Variants in NTRK2 observed in about 807,000 individuals in gnomAD.
NTRK2 encodes neurotrophic receptor tyrosine kinase 2, also known as BDNF/NT-3 growth factors receptor.
NTRK2 carries 13 observed loss-of-function variants against 94.5 expected under a neutral mutation model. The observed-to-expected ratio is 0.14, with a 90% CI of 0.09 to 0.22. The LOEUF is 0.22. Ranked by LOEUF, NTRK2 falls within the 10% of genes least tolerant of loss-of-function variation. The probability of loss-of-function intolerance (pLI) is 1.00; values close to 1 mark genes in which losing one functional copy is unlikely to be tolerated. For synonymous variants in NTRK2, 372 were observed against 407.4 expected, an observed-to-expected ratio of 0.91 and a Z score of 1.05; for missense variants, 639 against 1,071.2, an observed-to-expected ratio of 0.60 and a Z score of 5.63.
chr9:84,919,000 C>A (rs560893455), intron 14 of NTRK2, among the ~76,000 whole-genome samples: 1 of 152,208 alleles, frequency 6.6e-6, no homozygotes, highest in Non-Finnish European at 1.5e-5. Flanking sequence ...CAAATCTAGA[C>A]CCCTTCATCT....
intron 16 of NTRK2, among the ~76,000 whole-genome samples, chr9:84,952,135 AC>A (rs1455362623): frequency 6.6e-6 from 1 of 152,222 alleles, no homozygotes; most frequent in Non-Finnish European, 1.5e-5. Context: ...CAGGGTATAA[AC>A]CATCCTTGCC....
At chr9:84,803,496 G>A (rs1043620108) in intron 12 of NTRK2, among the ~76,000 whole-genome samples, 1 of 152,198 alleles carries the variant, frequency 6.6e-6, no homozygotes, top group Non-Finnish European at 1.5e-5. Flanking sequence ...GTCCTCACTT[G>A]TGGGGGTGGG....
At chr9:84,877,541 C>A in intron 14 of NTRK2, 1 of 1,066,588 alleles carries the variant, frequency 9.4e-7, no homozygotes, top group Non-Finnish European at 1.1e-6. Flanking sequence ...CCCCTCCTAC[C>A]AGGGCACTTC....
chr9:84,931,687 C>G (rs935958343), intron 14 of NTRK2, among the ~76,000 whole-genome samples: 1 of 128,054 alleles, frequency 7.8e-6, no homozygotes, highest in Non-Finnish European at 1.6e-5. Context: ...GCTTGGACTG[C>G]GAAAAGAAAG....
At chr9:85,004,035 G>A (rs113803999) in intron 17 of NTRK2, among the ~76,000 whole-genome samples, 25,513 of 58,210 alleles carry the variant, frequency 0.44, 6,561 homozygotes, top group Middle Eastern at 0.57. Context: ...GAAAGAAAGA[G>A]AGAAAGAAAG....
intron 17 of NTRK2, among the ~76,000 whole-genome samples, chr9:84,963,491 T>A (rs1007161189): frequency 5.9e-5 from 9 of 152,256 alleles, no homozygotes; most frequent in African/African-American, 2.2e-4. Flanking sequence ...TTCTTCTGTG[T>A]TAATGCTTCT....
chr9:84,745,203 G>T, intron 11 of NTRK2, 130 bp downstream of exon 11: 1 of 736,622 alleles, frequency 1.4e-6, no homozygotes. Flanking sequence ...ACCTAGGTTG[G>T]AAGAATTAAT....
Position 84,811,139 on chromosome 9 carries a change from G to A in NTRK2, c.1397-49901G>A, listed in dbSNP as rs11140767. The A allele has an allele frequency of 8.9e-3, 9,442 of 1,065,120 alleles. 56 individuals are homozygous for A. The highest frequency in any genetic ancestry group is 0.01 in the Non-Finnish European group (8,866 of 879,010). The allele number at this position is 1,065,120 out of a possible 1,614,324, so 66.0% of individuals were successfully genotyped here. A position where few individuals can be genotyped will look rare whatever the true frequency, so the allele number is the denominator to read the frequency against. ...TAACACAGTGACTAAAAGAGTTAAG[G>A]GTATATATACCATCACTTTGGGACT... On this transcript the variant is annotated intron_variant, in intron 12 of 18. Transcript: ENST00000277120.
chr9:84,786,645 A>G (rs986780412), intron 12 of NTRK2, among the ~76,000 whole-genome samples: 1 of 152,170 alleles, frequency 6.6e-6, no homozygotes, highest in African/African-American at 2.4e-5. Flanking sequence ...AAAGAAAAGT[A>G]TTATCTTAAA....
rs115944833 is a variant in NTRK2 at position 84,770,079 on chromosome 9, C to T, written c.1396+17994C>T. 2.3e-3 allele frequency among the ~76,000 whole-genome samples: 344 copies of T among 151,876 alleles called. 2 individuals are homozygous for T. Among genetic ancestry groups the T allele is most frequent in the African/African-American group, 8.0e-3 (329 of 41,372 alleles). ...TGCATATGTTTGCTTCTGAGGGTCA[C>T]GCACCTGGAACCTTGTTCAGAGGGC... On this transcript the variant is annotated intron_variant, in intron 12 of 18. Coordinates refer to ENST00000277120, the MANE Select transcript of NTRK2 (RefSeq NM_006180.6).
chr9:85,013,994 G>A (rs1001610639), intron 17 of NTRK2, among the ~76,000 whole-genome samples: 1 of 152,238 alleles, frequency 6.6e-6, no homozygotes, highest in African/African-American at 2.4e-5. Flanking sequence ...AGCCAGAGAG[G>A]CATTTGCTTT....
rs575117939 is a variant in NTRK2, at chr9:85,026,847, T to G, written c.*5410T>G. ...GTGCTAATACTTACCAGTTCTTGTT[T>G]TGCAATCTGTTTTGAGGTCCATTGC... On this transcript the variant is annotated 3_prime_UTR_variant, in exon 19 of 19. Coordinates refer to ENST00000277120, the MANE Select transcript of NTRK2 (RefSeq NM_006180.6). The G allele has an allele frequency of 4.3e-6, 1 of 233,038 alleles. No homozygotes were observed. Among genetic ancestry groups the G allele is most frequent in the South Asian group, 1.8e-4 (1 of 5,526 alleles). 14.4% of individuals were successfully genotyped at this position (233,038 alleles called of 1,614,324 possible).
At position 84,888,271 on chromosome 9, in the gene NTRK2, T is replaced by C. The variant is rs191587261; in HGVS notation, c.1633+20840T>C. ...TCCACATACGTTATCTCAGCTAAACTCCACCTTCAGGCAATTTCTTATAGA... is the reference window on the plus strand; with the variant it reads ...TCCACATACGTTATCTCAGCTAAACCCCACCTTCAGGCAATTTCTTATAGA... On this transcript the variant is annotated intron_variant, in intron 14 of 18. Coordinates refer to ENST00000277120, the MANE Select transcript of NTRK2 (RefSeq NM_006180.6). Among the ~76,000 whole-genome samples, 9 of 152,166 alleles carry C rather than the reference T, an allele frequency of 5.9e-5. 1 individual carries two copies. Among genetic ancestry groups the C allele is most frequent in the African/African-American group, 2.2e-4 (9 of 41,492 alleles).
chr9:84,946,343 C>A (rs2078599362), intron 15 of NTRK2, among the ~76,000 whole-genome samples: 1 of 152,214 alleles, frequency 6.6e-6, no homozygotes, highest in Non-Finnish European at 1.5e-5. Context: ...GTTCTCGTGG[C>A]CTTCATCATT....
chr9:84,914,522 C>T (rs1564459413), intron 14 of NTRK2, among the ~76,000 whole-genome samples: 2 of 152,230 alleles, frequency 1.3e-5, no homozygotes, highest in Non-Finnish European at 2.9e-5. Context: ...TGACACATTA[C>T]TGCCAGGTGA....
chr9:84,685,159 T>C (rs940714521), intron 2 of NTRK2, among the ~76,000 whole-genome samples: 1 of 152,094 alleles, frequency 6.6e-6, no homozygotes, highest in Non-Finnish European at 1.5e-5. Flanking sequence ...ACAATTGTTT[T>C]ATTATTTTTT....
chr9:84,875,320 G>A, intron 14 of NTRK2: 1 of 1,060,016 alleles, frequency 9.4e-7, no homozygotes, highest in Non-Finnish European at 1.1e-6. Flanking sequence ...TAAGAGCGGG[G>A]GTCTGGCCAT....
At chr9:84,817,221 C>T (rs551356684) in intron 12 of NTRK2, among the ~76,000 whole-genome samples, 9 of 152,234 alleles carry the variant, frequency 5.9e-5, no homozygotes, top group Non-Finnish European at 8.8e-5. Context: ...TAAATGTCCA[C>T]GAATTACAAA....
intron 14 of NTRK2, chr9:84,873,069 G>A (rs1461208093): frequency 7.5e-6 from 8 of 1,063,800 alleles, no homozygotes; most frequent in Non-Finnish European, 6.8e-6. Context: ...CAAAGAGTGC[G>A]GGGCCCCTCA....
Sources: allele counts gnomAD v4.1 joint callset (sites outside exome capture counted in the v4.1 genomes callset), GRCh38; gene constraint gnomAD v4.1.1; transcripts MANE v1.5; gene names NCBI Gene and HGNC (gene_info 2026-07-23, HGNC 2026-07-21).